The following ZNF423 variants were observed in gnomAD, a reference collection of about 807,000 sequenced individuals.
ZNF423 encodes zinc finger protein 423.
In ZNF423, 12 loss-of-function variants were observed where a neutral mutation model predicts 95.8. The observed-to-expected ratio is 0.13, with a 90% confidence interval of 0.08 to 0.20. ZNF423 has a LOEUF of 0.20. Among genes scored for constraint, ZNF423 ranks in the 10% least tolerant of loss-of-function variants. The probability of loss-of-function intolerance (pLI) is 1.00; values close to 1 mark genes in which losing one functional copy is unlikely to be tolerated. For synonymous variants in ZNF423, 749 were observed against 711.9 expected, an observed-to-expected ratio of 1.05 and a Z score of -0.83; for missense variants, 1,316 against 1,737.1, an observed-to-expected ratio of 0.76 and a Z score of 4.31.
At chr16:49,527,319 A>C (rs565160791) in intron 5 of ZNF423, among the ~76,000 whole-genome samples, 2 of 152,340 alleles carry the variant, frequency 1.3e-5, no homozygotes, top group East Asian at 3.9e-4. Context: ...TACTAGCAGA[A>C]AAGGAATTCA....
chr16:49,621,513 G>A (rs1053226700), intron 5 of ZNF423, among the ~76,000 whole-genome samples: 7 of 152,136 alleles, frequency 4.6e-5, no homozygotes, highest in Admixed American at 1.3e-4. Context: ...CCGGTTTACC[G>A]CCCCGCAGGG....
At chr16:49,845,444 T>C (rs1424621932) in intron 1 of ZNF423, among the ~76,000 whole-genome samples, 1 of 152,044 alleles carries the variant, frequency 6.6e-6, no homozygotes, top group Non-Finnish European at 1.5e-5. Flanking sequence ...TTTGTTTTAA[T>C]GTTGCCCAGG....
chr16:49,794,576 C>G (rs939891577), intron 1 of ZNF423, among the ~76,000 whole-genome samples: 1 of 152,172 alleles, frequency 6.6e-6, no homozygotes, highest in African/African-American at 2.4e-5. Flanking sequence ...GGCATGCACA[C>G]GCTCATGTGT....
At chr16:49,575,425 A>T (rs896004008) in intron 5 of ZNF423, among the ~76,000 whole-genome samples, 1 of 152,122 alleles carries the variant, frequency 6.6e-6, no homozygotes, top group African/African-American at 2.4e-5. Context: ...TACTTGCCGC[A>T]GCCCCTTCAC....
chr16:49,602,934 C>T (rs1027297260), intron 5 of ZNF423, among the ~76,000 whole-genome samples: 1 of 152,228 alleles, frequency 6.6e-6, no homozygotes, highest in Admixed American at 6.5e-5. Context: ...AGCGGAGCTG[C>T]CGGCGGGCGA....
chr16:49,721,931 G>T (rs958509748), intron 3 of ZNF423, among the ~76,000 whole-genome samples: 8 of 152,112 alleles, frequency 5.3e-5, no homozygotes, highest in African/African-American at 1.9e-4. Context: ...TTTTGGGGAG[G>T]TTTACAGGCC....
chr16:49,535,001 CT>C (rs1969004739), intron 5 of ZNF423, among the ~76,000 whole-genome samples: 2 of 152,332 alleles, frequency 1.3e-5, no homozygotes, highest in South Asian at 2.1e-4. Flanking sequence ...TTGCTTCTCT[CT>C]CTTGAAATTC....
At chr16:49,527,612 T>C (rs1049355382) in intron 5 of ZNF423, among the ~76,000 whole-genome samples, 2 of 152,302 alleles carry the variant, frequency 1.3e-5, no homozygotes, top group African/African-American at 2.4e-5. Context: ...GGAGGGGGTA[T>C]GTGAGGTTGA....
intron 3 of ZNF423, among the ~76,000 whole-genome samples, chr16:49,692,094 T>C (rs2031805479): frequency 6.6e-6 from 1 of 152,024 alleles, no homozygotes; most frequent in Non-Finnish European, 1.5e-5. Context: ...GGTCTACAGA[T>C]GAATGCTACC....
intron 4 of ZNF423, among the ~76,000 whole-genome samples, chr16:49,634,941 C>A (rs1396113909): frequency 1.3e-5 from 2 of 152,210 alleles, no homozygotes; most frequent in African/African-American, 4.8e-5. Flanking sequence ...TCTGGTTCTC[C>A]TTGGCTCCCA....
At chr16:49,540,730 G>C (rs1170302220) in intron 5 of ZNF423, among the ~76,000 whole-genome samples, 1 of 152,200 alleles carries the variant, frequency 6.6e-6, no homozygotes, top group Non-Finnish European at 1.5e-5. Flanking sequence ...AGTGAAGCCT[G>C]TTGAATCCCA....
chr16:49,550,924 C>T (rs528092092), intron 5 of ZNF423, among the ~76,000 whole-genome samples: 35 of 152,216 alleles, frequency 2.3e-4, no homozygotes, highest in Non-Finnish European at 4.3e-4. Flanking sequence ...GGCCTCCCTT[C>T]GCAGGTACCT....
chr16:49,593,801 A>AT (rs1486473449), intron 5 of ZNF423, among the ~76,000 whole-genome samples: 2 of 152,164 alleles, frequency 1.3e-5, no homozygotes, highest in East Asian at 1.9e-4. Context: ...AGTAAAGCTT[A>AT]TTTAGGAAAG....
chr16:49,546,626 T>C (rs1469407109), intron 5 of ZNF423, among the ~76,000 whole-genome samples: 1 of 152,198 alleles, frequency 6.6e-6, no homozygotes, highest in East Asian at 1.9e-4. Context: ...GAGGCACTCA[T>C]AGTGAGCGCG....
intron 2 of ZNF423, among the ~76,000 whole-genome samples, chr16:49,765,733 A>G (rs1287057809): frequency 6.6e-6 from 1 of 152,218 alleles, no homozygotes; most frequent in Non-Finnish European, 1.5e-5. Flanking sequence ...AAATAAAAAA[A>G]TAAGTCAAAG....
chr16:49,728,764 G>T (rs562854753), intron 3 of ZNF423, among the ~76,000 whole-genome samples: 3 of 151,766 alleles, frequency 2.0e-5, no homozygotes, highest in African/African-American at 4.9e-5. Context: ...ATGGGGTCTC[G>T]CTCTGTCACC....
intron 3 of ZNF423, among the ~76,000 whole-genome samples, chr16:49,674,442 C>A (rs1433605720): frequency 6.6e-6 from 1 of 152,094 alleles, no homozygotes; most frequent in East Asian, 1.9e-4. Context: ...GTGCGTCATC[C>A]CACTTTACAA....
chr16:49,735,670 C>G (rs1210348517), intron 2 of ZNF423, among the ~76,000 whole-genome samples: 1 of 152,116 alleles, frequency 6.6e-6, no homozygotes, highest in African/African-American at 2.4e-5. Flanking sequence ...GGGACACTCC[C>G]CCTTCAAGCC....
At position 49,508,011 on chromosome 16, in the gene ZNF423, A is replaced by G. The variant is rs115033434; in HGVS notation, c.3849+15613T>C. Among the ~76,000 whole-genome samples, 340 of 152,296 alleles carry G rather than the reference A, an allele frequency of 2.2e-3. 2 individuals are homozygous for G. The highest frequency in any genetic ancestry group is 7.7e-3 in the African/African-American group (321 of 41,570). ...GCCATTTAGTGTGGTGGTGAAGAGG[A>G]CAGAAGCCGGGGCTGGTGGCCTGGG... On this transcript the variant is annotated intron_variant, in intron 7 of 7. Transcript: ENST00000563137.
Sources: allele counts gnomAD v4.1 joint callset (sites outside exome capture counted in the v4.1 genomes callset), GRCh38; gene constraint gnomAD v4.1.1; transcripts MANE v1.5; gene names NCBI Gene and HGNC (gene_info 2026-07-23, HGNC 2026-07-21).